CHCHD3: variants seen among roughly 807,000 people sequenced by gnomAD.
CHCHD3 encodes coiled-coil-helix-coiled-coil-helix domain containing 3, also known as MICOS complex subunit MIC19.
Under a neutral mutation model 38.2 loss-of-function variants are expected in CHCHD3, and 20 were observed. The ratio of observed to expected loss-of-function variants is 0.52; its 90% confidence interval spans 0.37 to 0.76. The LOEUF (loss-of-function observed/expected upper bound fraction) is 0.76. Among genes scored for constraint, CHCHD3 ranks in the 30% least tolerant of loss-of-function variants. CHCHD3 has a pLI of 0.00. For missense variants in CHCHD3, 245 were observed against 279.2 expected (o/e 0.88, Z 0.87); for synonymous variants, 82 against 100.0 (o/e 0.82, Z 1.07).
intron 3 of CHCHD3, among the ~76,000 whole-genome samples, chr7:132,983,925 C>T (rs12673767): frequency 0.45 from 67,560 of 151,704 alleles, 15,313 homozygotes; most frequent in East Asian, 0.55. Context: ...TGAGAAATAC[C>T]TTTTAATCTT....
chr7:132,946,728 G>C (rs1355146665), intron 4 of CHCHD3, among the ~76,000 whole-genome samples: 1 of 151,674 alleles, frequency 6.6e-6, no homozygotes, highest in East Asian at 1.9e-4. Flanking sequence ...ATGCAAACTT[G>C]CATCTTTATT....
chr7:133,075,477 G>A (rs959965690), intron 1 of CHCHD3, among the ~76,000 whole-genome samples: 6 of 152,112 alleles, frequency 3.9e-5, no homozygotes, highest in Admixed American at 1.3e-4. Flanking sequence ...TGCTCATAGC[G>A]ACGTAGATAT....
intron 3 of CHCHD3, among the ~76,000 whole-genome samples, chr7:133,014,535 A>G (rs2111816): frequency 0.68 from 102,290 of 151,328 alleles, 34,702 homozygotes; most frequent in Admixed American, 0.72. Flanking sequence ...AAACATCTAA[A>G]TTTGTAGACT....
intron 4 of CHCHD3, chr7:132,973,732 G>A: frequency 1.9e-6 from 2 of 1,032,224 alleles, no homozygotes; most frequent in Non-Finnish European, 2.3e-6. Context: ...CTGGTCATGG[G>A]TTGGTCTTTC....
intron 5 of CHCHD3, among the ~76,000 whole-genome samples, chr7:132,839,308 A>T (rs1213448999): frequency 6.6e-6 from 1 of 152,198 alleles, no homozygotes; most frequent in Admixed American, 6.5e-5. Context: ...GATTTAGATA[A>T]TTTTAATAAC....
At chr7:132,787,051 G>C (rs528009277) in intron 7 of CHCHD3, among the ~76,000 whole-genome samples, 1 of 152,230 alleles carries the variant, frequency 6.6e-6, no homozygotes, top group Non-Finnish European at 1.5e-5. Context: ...TGGAGGACTG[G>C]GGTGGGACTG....
intron 4 of CHCHD3, among the ~76,000 whole-genome samples, chr7:132,941,393 G>A (rs529964880): frequency 3.3e-5 from 5 of 152,010 alleles, no homozygotes; most frequent in Admixed American, 1.3e-4. Context: ...ACTTCTCAAC[G>A]GACCCACACT....
chr7:133,066,076 T>C (rs966515508), intron 2 of CHCHD3, among the ~76,000 whole-genome samples: 3 of 152,204 alleles, frequency 2.0e-5, no homozygotes, highest in African/African-American at 7.2e-5. Context: ...CACTTTCCAA[T>C]ATGGTAGTCA....
intron 1 of CHCHD3, 54 bp downstream of exon 1, chr7:133,081,803 G>C: frequency 6.6e-7 from 1 of 1,525,192 alleles, no homozygotes; most frequent in Non-Finnish European, 8.9e-7. Context: ...GAGAAGATGG[G>C]GCCTTGGGGT....
chr7:133,015,911 C>T (rs554399135), intron 3 of CHCHD3, among the ~76,000 whole-genome samples: 4 of 146,684 alleles, frequency 2.7e-5, no homozygotes, highest in African/African-American at 7.5e-5. Flanking sequence ...ATGAAGTAGG[C>T]ACATCTTTTA....
intron 2 of CHCHD3, among the ~76,000 whole-genome samples, chr7:133,038,603 T>C (rs1328445622): frequency 6.6e-6 from 1 of 152,228 alleles, no homozygotes; most frequent in African/African-American, 2.4e-5. Context: ...ATGATATATG[T>C]TACCAAGGAC....
chr7:132,860,308 G>A (rs1562888025), intron 5 of CHCHD3, among the ~76,000 whole-genome samples: 3 of 91,378 alleles, frequency 3.3e-5, no homozygotes, highest in Non-Finnish European at 6.3e-5. Context: ...TAGATAGAGA[G>A]AGAGAGAAAG....
chr7:132,814,449 G>A (rs1215644478), intron 6 of CHCHD3, among the ~76,000 whole-genome samples: 1 of 152,162 alleles, frequency 6.6e-6, no homozygotes, highest in East Asian at 1.9e-4. Context: ...TTTTCAAATG[G>A]TCTTAAATTG....
chr7:132,860,134 G>A (rs1431849963), intron 5 of CHCHD3, among the ~76,000 whole-genome samples: 2 of 152,036 alleles, frequency 1.3e-5, no homozygotes, highest in African/African-American at 4.8e-5. Context: ...TTAGCCAGGG[G>A]TGATGGCGCG....
At chr7:132,938,402 AATAC>A (rs1414902606) in intron 4 of CHCHD3, among the ~76,000 whole-genome samples, 1 of 152,130 alleles carries the variant, frequency 6.6e-6, no homozygotes, top group African/African-American at 2.4e-5. Flanking sequence ...ATGAACACGT[AATAC>A]ATCTATTCCC....
intron 4 of CHCHD3, among the ~76,000 whole-genome samples, chr7:132,891,855 G>T (rs1319327895): frequency 6.6e-6 from 1 of 152,178 alleles, no homozygotes; most frequent in Admixed American, 6.5e-5. Flanking sequence ...GCATTTGACG[G>T]TTCCTCCTTC....
Position 132,962,140 on chromosome 7 carries a change from A to C in CHCHD3, c.369+13029T>G, listed in dbSNP as rs367858111. On this transcript the variant is annotated intron_variant, in intron 4 of 7. Coordinates refer to ENST00000262570, the MANE Select transcript of CHCHD3 (RefSeq NM_017812.4). Reference sequence around the variant, plus strand: ...CTAAACCACTTTTACTAATCAGAATAAGTAATCAATAACAAAATTCCAATT... The same window carrying C: ...CTAAACCACTTTTACTAATCAGAATCAGTAATCAATAACAAAATTCCAATT... 5.9e-5 allele frequency among the ~76,000 whole-genome samples: 9 copies of C among 152,334 alleles called. No homozygotes were observed. In the South Asian group the frequency reaches 1.9e-3, roughly 32 times the overall value.
At chr7:132,936,608 T>C (rs1224688597) in intron 4 of CHCHD3, among the ~76,000 whole-genome samples, 12 of 152,206 alleles carry the variant, frequency 7.9e-5, no homozygotes, top group Non-Finnish European at 1.8e-4. Context: ...TTCCCAATCT[T>C]ATTCAAACTG....
intron 2 of CHCHD3, among the ~76,000 whole-genome samples, chr7:133,060,202 G>T (rs774784524): frequency 6.6e-6 from 1 of 152,144 alleles, no homozygotes; most frequent in Non-Finnish European, 1.5e-5. Flanking sequence ...GTCTCAACAG[G>T]TCAATGTTTA....
Sources: allele counts gnomAD v4.1 joint callset (sites outside exome capture counted in the v4.1 genomes callset), GRCh38; gene constraint gnomAD v4.1.1; transcripts MANE v1.5; gene names NCBI Gene and HGNC (gene_info 2026-07-23, HGNC 2026-07-21).